KCNH7: variants seen among roughly 807,000 people sequenced by gnomAD.
The protein encoded by KCNH7 is voltage-gated inwardly rectifying potassium channel KCNH7.
A neutral mutation model predicts 120.8 loss-of-function variants in KCNH7; 49 were observed. The ratio of observed to expected loss-of-function variants is 0.41; its 90% CI spans 0.32 to 0.51. KCNH7 has a LOEUF of 0.51. Ranked by LOEUF, KCNH7 falls within the 20% of genes least tolerant of loss-of-function variation. The pLI is 0.38. For synonymous variants in KCNH7, 547 were observed against 516.1 expected, an observed-to-expected ratio of 1.06 and a Z score of -0.81; for missense variants, 1,097 against 1,446.6, an observed-to-expected ratio of 0.76 and a Z score of 3.92.
chr2:162,551,687 C>G (rs993514224), intron 2 of KCNH7, among the ~76,000 whole-genome samples: 6 of 151,924 alleles, frequency 3.9e-5, no homozygotes, highest in African/African-American at 1.2e-4. Flanking sequence ...ATGTATTGCA[C>G]GTATTGGACA....
chr2:162,396,972 G>A (rs768535892), intron 10 of KCNH7, 27 bp from the exon 11 acceptor site: 79 of 1,486,312 alleles, frequency 5.3e-5, no homozygotes, highest in Non-Finnish European at 6.4e-5. Context: ...AAAAAGAGGC[G>A]GGGAAAGGGA....
intron 2 of KCNH7, among the ~76,000 whole-genome samples, chr2:162,728,010 T>C (rs57481725): frequency 0.055 from 8,325 of 152,246 alleles, 721 homozygotes; most frequent in African/African-American, 0.18. Context: ...TACATATGTT[T>C]TCATTTCTCT....
intron 2 of KCNH7, among the ~76,000 whole-genome samples, chr2:162,632,389 T>C (rs909593118): frequency 1.5e-4 from 23 of 152,034 alleles, no homozygotes; most frequent in African/African-American, 5.3e-4. Context: ...TATAGAAGTA[T>C]ATCAAATTTT....
chr2:162,542,700 G>T (rs371017943), intron 2 of KCNH7, among the ~76,000 whole-genome samples: 2 of 151,812 alleles, frequency 1.3e-5, no homozygotes, highest in East Asian at 3.9e-4. Flanking sequence ...GAATAGTGCC[G>T]CAATAAACAT....
At chr2:162,823,955 G>A (rs1013963412) in intron 2 of KCNH7, among the ~76,000 whole-genome samples, 6 of 151,784 alleles carry the variant, frequency 4.0e-5, no homozygotes, top group Middle Eastern at 3.2e-3. Flanking sequence ...TTTTACACTC[G>A]AAATTAATTT....
chr2:162,762,401 G>A (rs894753087), intron 2 of KCNH7, among the ~76,000 whole-genome samples: 1 of 152,010 alleles, frequency 6.6e-6, no homozygotes, highest in Admixed American at 6.6e-5. Flanking sequence ...CTGGGACAGG[G>A]AGGGTGAATG....
intron 2 of KCNH7, among the ~76,000 whole-genome samples, chr2:162,740,875 T>C (rs1426091837): frequency 6.6e-6 from 1 of 152,162 alleles, no homozygotes; most frequent in Admixed American, 6.5e-5. Flanking sequence ...ATGGATCTTA[T>C]GGTCAGTGTG....
At chr2:162,543,495 T>G (rs931915431) in intron 2 of KCNH7, among the ~76,000 whole-genome samples, 3 of 152,120 alleles carry the variant, frequency 2.0e-5, no homozygotes, top group Admixed American at 6.6e-5. Flanking sequence ...GTTGTCATAT[T>G]CATGTTCTGC....
chr2:162,620,507 C>T (rs1467288975), intron 2 of KCNH7, among the ~76,000 whole-genome samples: 2 of 152,020 alleles, frequency 1.3e-5, no homozygotes, highest in Non-Finnish European at 2.9e-5. Context: ...TATTTTAGAT[C>T]ATGGTCTCTT....
rs375461725 is a variant in KCNH7 at position 162,684,837 on chromosome 2, C to T, written c.308-147757G>A. 5.3e-5 allele frequency among the ~76,000 whole-genome samples: 8 copies of T among 152,224 alleles called. 1 individual carries two copies. The South Asian group carries it at 1.7e-3, about 32-fold the overall frequency. On this transcript the variant is annotated intron_variant, in intron 2 of 15. Transcript: ENST00000332142. The stretch of plus-strand genomic sequence containing the variant: ...CAGAAATACCATTTGACCCAGCAAT[C>T]CCATTACTGGGTATATCCCCAGAGG...
chr2:162,622,899 T>A (rs576215612), intron 2 of KCNH7, among the ~76,000 whole-genome samples: 54 of 152,306 alleles, frequency 3.5e-4, no homozygotes, highest in African/African-American at 1.3e-3. Context: ...ATTTTTGTGG[T>A]TGTTTTTCTA....
At chr2:162,837,473 A>C (rs1339035730) in intron 1 of KCNH7, among the ~76,000 whole-genome samples, 2 of 152,212 alleles carry the variant, frequency 1.3e-5, no homozygotes, top group Non-Finnish European at 1.5e-5. Flanking sequence ...TAATATAAAG[A>C]GCTTATTAAT....
chr2:162,410,570 A>G (rs1015247466), intron 9 of KCNH7, among the ~76,000 whole-genome samples: 3 of 152,110 alleles, frequency 2.0e-5, no homozygotes, highest in African/African-American at 7.2e-5. Flanking sequence ...CCCAAAAGCA[A>G]TTGCAACCAA....
In KCNH7 at chr2:162,373,547, G is replaced by C; in HGVS notation, c.3247C>G (p.Pro1083Ala). 6.3e-7 allele frequency: 1 copy of C among 1,592,532 alleles called. No individual in the cohort carries two copies. Among genetic ancestry groups the C allele is most frequent in the Non-Finnish European group, 8.6e-7 (1 of 1,169,456 alleles). The change falls in exon 15 of 16, where the codon CCC (proline) becomes GCC (alanine). Residue 1083 changes from proline to alanine, a missense_variant. By Grantham distance (27) the Pro-to-Ala change is conservative. Coordinates refer to ENST00000332142, the MANE Select transcript of KCNH7 (RefSeq NM_033272.4). ...MVTAGSEYQR[P>A]IIQLMRTSQP... ...CTGGTTCTCATCAGCTGGATGATGG[G>C]TCTCTGATATTCTGATCCTGCTGTT...
At chr2:162,832,972 C>T (rs1032477462) in intron 2 of KCNH7, among the ~76,000 whole-genome samples, 4 of 152,024 alleles carry the variant, frequency 2.6e-5, no homozygotes, top group Non-Finnish European at 5.9e-5. Context: ...AAAAGTAGCA[C>T]CATACATTTC....
chr2:162,506,595 T>G (rs766675516), intron 5 of KCNH7, among the ~76,000 whole-genome samples: 6 of 151,814 alleles, frequency 4.0e-5, no homozygotes, highest in Non-Finnish European at 7.4e-5. Context: ...TTCAAAGCCC[T>G]TAAGCTCATC....
At chr2:162,472,990 A>G (rs1689608231) in intron 6 of KCNH7, among the ~76,000 whole-genome samples, 1 of 151,936 alleles carries the variant, frequency 6.6e-6, no homozygotes, top group African/African-American at 2.4e-5. Flanking sequence ...CAAACACCAT[A>G]TGTCCTCACT....
chr2:162,733,504 C>T (rs1406379401), intron 2 of KCNH7, among the ~76,000 whole-genome samples: 2 of 152,178 alleles, frequency 1.3e-5, no homozygotes, highest in African/African-American at 4.8e-5. Context: ...ATCAGGATTT[C>T]CCCAGATGGG....
At chr2:162,450,000 A>T (rs1688713044) in intron 6 of KCNH7, among the ~76,000 whole-genome samples, 1 of 152,092 alleles carries the variant, frequency 6.6e-6, no homozygotes, top group South Asian at 2.1e-4. Flanking sequence ...TTAATCTAAT[A>T]GATACAACAT....
Sources: gnomAD v4.1 joint callset for allele counts (sites outside exome capture counted in the v4.1 genomes callset) on GRCh38, gnomAD v4.1.1 for gene constraint, MANE v1.5 for transcripts, NCBI Gene and HGNC (gene_info 2026-07-23, HGNC 2026-07-21) for gene names.